Variants in RGS3 observed in about 807,000 individuals in gnomAD.
The protein encoded by RGS3 is regulator of G protein signaling 3, also known as regulator of G-protein signalling 3.
Under a neutral mutation model 132.6 loss-of-function variants are expected in RGS3, and 80 were observed. The observed-to-expected ratio is 0.60, with a 90% confidence interval of 0.50 to 0.73. RGS3 has a LOEUF of 0.73. RGS3 is among the 30% of genes least tolerant of loss of function. RGS3 has a pLI of 0.00. For synonymous variants in RGS3, 598 were observed against 620.6 expected (o/e 0.96, Z 0.54); for missense variants, 1,382 against 1,530.8 (o/e 0.90, Z 1.62).
chr9:113,504,606 C>T (rs1282269216), intron 10 of RGS3, among the ~76,000 whole-genome samples: 1 of 152,228 alleles, frequency 6.6e-6, no homozygotes, highest in Non-Finnish European at 1.5e-5. Context: ...TTTGTGTACC[C>T]TCGTGCTCCT....
chr9:113,447,329 G>GTATATATGTGTATA (rs1305095004), intron 1 of RGS3, among the ~76,000 whole-genome samples: 1 of 27,536 alleles, frequency 3.6e-5, no homozygotes, highest in African/African-American at 9.8e-5. Context: ...GTATGTATAT[G>GTATATATGTGTATA]TATATATATA....
At chr9:113,473,454 C>T (rs1829897395) in intron 3 of RGS3, among the ~76,000 whole-genome samples, 1 of 152,176 alleles carries the variant, frequency 6.6e-6, no homozygotes, top group African/African-American at 2.4e-5. Context: ...GTGATCATGG[C>T]TCACTACAGC....
At chr9:113,568,555 G>T (rs1276334766) in intron 19 of RGS3, among the ~76,000 whole-genome samples, 3 of 152,148 alleles carry the variant, frequency 2.0e-5, no homozygotes, top group Non-Finnish European at 2.9e-5. Context: ...AAAGTCAATG[G>T]TCAGGGCCAG....
At position 113,553,462 on chromosome 9, in the gene RGS3, ATATATATATATATAT is replaced by A. The variant is rs1564562585; in HGVS notation, c.2037+16545_2037+16559del. Among the ~76,000 whole-genome samples, 45 of 72,716 alleles carry A rather than the reference ATATATATATATATAT, an allele frequency of 6.2e-4. 4 individuals are homozygous for A. The highest frequency in any genetic ancestry group is 2.6e-3 in the African/African-American group (42 of 15,938). The allele number at this position is 72,716 out of a possible 152,430, so 47.7% of individuals were successfully genotyped here. On this transcript the variant is annotated intron_variant, in intron 19 of 24. Transcript: ENST00000350696. ...TGTTTAAAAAAAAAAAAAAAAAAAT[ATATATATATATATAT>A]ATATATATATATATGTATATATAAT...
At chr9:113,564,850 G>T (rs111338245) in intron 19 of RGS3, 29,256 of 883,764 alleles carry the variant, frequency 0.033, 562 homozygotes, top group Admixed American at 0.037. Context: ...AGCGTGTGCT[G>T]GCTGCAGGAG....
rs549034767 is a variant in RGS3, at chr9:113,594,396, G to C, written c.3081-34G>C. On this transcript the variant is annotated intron_variant, in intron 21 of 24. Coordinates refer to ENST00000350696, the Ensembl canonical transcript of RGS3. ...GGATTTGCAGGGGCGAGTGGGCCAGGCTGAGCAACCCTCTTTTCTGCTTCT... is the reference window on the plus strand; with the variant it reads ...GGATTTGCAGGGGCGAGTGGGCCAGCCTGAGCAACCCTCTTTTCTGCTTCT... 3.1e-6 allele frequency: 5 copies of C among 1,610,940 alleles called. No homozygotes were observed. The East Asian group carries it at 1.1e-4, about 36-fold the overall frequency.
At position 113,463,727 on chromosome 9, in the gene RGS3, G is replaced by A; in HGVS notation, c.415+1526G>A. The stretch of plus-strand genomic sequence containing the variant: ...CTCCCGCTCGCGCTCCTCCCGCCCT[G>A]GAGACTCCGGTTACTGGGGAGCAAC... On this transcript the variant is annotated intron_variant, in intron 3 of 24. Transcript: ENST00000350696. This position sits in a 1 kb window ranked among gnomAD's most constrained non-coding sequence, Gnocchi z 4.6. The A allele has an allele frequency of 1.3e-6, 2 of 1,508,520 alleles. No individual in the cohort carries two copies. The highest frequency in any genetic ancestry group is 1.8e-6 in the Non-Finnish European group (2 of 1,129,056). 93.4% of individuals were successfully genotyped at this position (1,508,520 alleles called of 1,614,324 possible). A position where few individuals can be genotyped will look rare whatever the true frequency, so the allele number is the denominator to read the frequency against.
At chr9:113,512,738 C>G (rs575297163) in intron 14 of RGS3, among the ~76,000 whole-genome samples, 1 of 152,284 alleles carries the variant, frequency 6.6e-6, no homozygotes, top group South Asian at 2.1e-4. Flanking sequence ...TCAGTGAGGA[C>G]CTGGTAGTTG....
Position 113,479,190 on chromosome 9 carries a change from G to A in RGS3, c.416-301G>A, listed in dbSNP as rs953094648. 65 of 392,566 alleles carry A rather than the reference G, an allele frequency of 1.7e-4. 2 individuals carry two copies. In the Middle Eastern group the frequency reaches 2.7e-3, roughly 16 times the overall value. 24.3% of individuals were successfully genotyped at this position (392,566 alleles called of 1,614,324 possible). Reference sequence around the variant, plus strand: ...TACACCTTTACCAACATTTGACAACGACCCAGCAGTGAGATTTCCCAGCAT... The same window carrying A: ...TACACCTTTACCAACATTTGACAACAACCCAGCAGTGAGATTTCCCAGCAT... On this transcript the variant is annotated intron_variant, in intron 3 of 24. Transcript: ENST00000350696.
upstream of RGS3, among the ~76,000 whole-genome samples, chr9:113,459,372 A>G (rs1829421227): frequency 6.6e-6 from 1 of 152,158 alleles, no homozygotes. Flanking sequence ...TATCAATTTT[A>G]CTAATTAATA....
rs2119163906 is a variant in RGS3, at chr9:113,463,740, A to G, written c.415+1539A>G. ...TCCTCCCGCCCTGGAGACTCCGGTTACTGGGGAGCAACACAGCCGCCTCGG... is the reference window on the plus strand; with the variant it reads ...TCCTCCCGCCCTGGAGACTCCGGTTGCTGGGGAGCAACACAGCCGCCTCGG... On this transcript the variant is annotated intron_variant, in intron 3 of 24. Coordinates refer to ENST00000350696, the Ensembl canonical transcript of RGS3. The surrounding 1 kb of genome is among the most constrained non-coding windows in gnomAD (Gnocchi z 4.6). The G allele has an allele frequency of 2.0e-6, 3 of 1,534,590 alleles. No individual in the cohort carries two copies. In the East Asian group the frequency reaches 7.2e-5, roughly 37 times the overall value.
chr9:113,461,724 C>T (rs761755386), exon 2 of RGS3: 2 of 1,613,972 alleles, frequency 1.2e-6, no homozygotes, highest in African/African-American at 2.7e-5. Flanking sequence ...TCAGACAGCA[C>T]ACCTTTGCCC....
intron 15 of RGS3, among the ~76,000 whole-genome samples, chr9:113,516,631 T>G (rs1369813957): frequency 1.3e-5 from 2 of 152,232 alleles, no homozygotes; most frequent in African/African-American, 4.8e-5. Flanking sequence ...AGTGCTGGGA[T>G]TACAGGCATG....
intron 1 of RGS3, among the ~76,000 whole-genome samples, chr9:113,453,022 A>G (rs1829285931): frequency 7.6e-6 from 1 of 131,116 alleles, no homozygotes; most frequent in Admixed American, 8.6e-5. Context: ...TATATTTTAT[A>G]TATAATATAT....
chr9:113,502,076 G>T (rs1279587058), intron 10 of RGS3, among the ~76,000 whole-genome samples: 1 of 152,194 alleles, frequency 6.6e-6, no homozygotes, highest in Non-Finnish European at 1.5e-5. Flanking sequence ...ATGTACATAT[G>T]TATAACTTTC....
intron 4 of RGS3, among the ~76,000 whole-genome samples, chr9:113,482,097 G>C (rs1407757582): frequency 1.3e-5 from 2 of 150,482 alleles, no homozygotes; most frequent in African/African-American, 4.9e-5. Flanking sequence ...AAAAAATCCA[G>C]ACGTAAAAGA....
intron 19 of RGS3, among the ~76,000 whole-genome samples, chr9:113,561,223 C>T (rs111940167): frequency 0.039 from 5,961 of 151,622 alleles, 159 homozygotes; most frequent in South Asian, 0.098. Flanking sequence ...CGAGGTTTCA[C>T]CATGTTGGCC....
At chr9:113,470,130 C>T (rs1195875814) in intron 3 of RGS3, among the ~76,000 whole-genome samples, 2 of 151,742 alleles carry the variant, frequency 1.3e-5, no homozygotes, top group African/African-American at 2.4e-5. Flanking sequence ...ACACTGGTCT[C>T]GAACTCCTGA....
intron 21 of RGS3, chr9:113,592,585 G>A (rs1459371475): frequency 1.3e-5 from 2 of 152,128 alleles, no homozygotes; most frequent in Non-Finnish European, 2.9e-5. Context: ...CCAAGTTCAA[G>A]CAGTTCTTGT....
Sources: allele counts gnomAD v4.1 joint callset (sites outside exome capture counted in the v4.1 genomes callset), GRCh38; gene constraint gnomAD v4.1.1; non-coding constraint Gnocchi (gnomAD v3.1); transcripts MANE v1.5; gene names NCBI Gene and HGNC (gene_info 2026-07-23, HGNC 2026-07-21).